Variants in CIMIP6 observed in about 807,000 individuals in gnomAD.
CIMIP6 encodes uncharacterized protein C2orf73.
chr2:54,351,534 C>T, the CIMIP6 span, among the ~76,000 whole-genome samples: 5 of 152,230 alleles, frequency 3.3e-5, no homozygotes, highest in East Asian at 5.8e-4. Flanking sequence ...ACAAAAAAAC[C>T]AAATACCACT....
the CIMIP6 span, among the ~76,000 whole-genome samples, chr2:54,366,990 G>T: frequency 6.6e-6 from 1 of 152,010 alleles, no homozygotes; most frequent in African/African-American, 2.4e-5. Context: ...ATACAGGGAG[G>T]TTAAGGTAAC....
chr2:54,359,578 C>G, the CIMIP6 span, among the ~76,000 whole-genome samples: 2 of 151,416 alleles, frequency 1.3e-5, no homozygotes, highest in East Asian at 3.9e-4. Context: ...GGCAACATAG[C>G]AAGTCTCATT....
At chr2:54,377,393 A>G in the CIMIP6 span, among the ~76,000 whole-genome samples, 1 of 152,192 alleles carries the variant, frequency 6.6e-6, no homozygotes, top group African/African-American at 2.4e-5. Flanking sequence ...ATTAGGAAAT[A>G]ACTTGTGAAT....
chr2:54,365,035 GA>G, the CIMIP6 span, among the ~76,000 whole-genome samples: 2 of 152,200 alleles, frequency 1.3e-5, no homozygotes, highest in African/African-American at 4.8e-5. Context: ...GCCTGAGCTG[GA>G]ATGGGAATGG....
chr2:54,363,156 G>A, the CIMIP6 span, among the ~76,000 whole-genome samples: 1 of 152,062 alleles, frequency 6.6e-6, no homozygotes, highest in Non-Finnish European at 1.5e-5. Context: ...CGCACTCTGG[G>A]TATTGTACTT....
At chr2:54,339,310 T>C in the CIMIP6 span, among the ~76,000 whole-genome samples, 3 of 75,702 alleles carry the variant, frequency 4.0e-5, 1 homozygote, top group Non-Finnish European at 1.0e-4. Context: ...AAATATGTTT[T>C]GGAAAAGCTG....
the CIMIP6 span, among the ~76,000 whole-genome samples, chr2:54,352,214 TA>T: frequency 7.9e-5 from 12 of 152,170 alleles, no homozygotes; most frequent in Non-Finnish European, 1.6e-4. Context: ...TTCCCAGAAT[TA>T]AAAAGGTTTA....
At chr2:54,368,268 A>G in the CIMIP6 span, among the ~76,000 whole-genome samples, 1 of 151,864 alleles carries the variant, frequency 6.6e-6, no homozygotes, top group South Asian at 2.1e-4. Context: ...TTTAAACATC[A>G]GTCAATAAAG....
the CIMIP6 span, among the ~76,000 whole-genome samples, chr2:54,332,427 C>A: frequency 9.2e-5 from 14 of 152,198 alleles, no homozygotes; most frequent in Non-Finnish European, 1.6e-4. Context: ...GCACCTGGCA[C>A]GCAACTCAAT....
the CIMIP6 span, among the ~76,000 whole-genome samples, chr2:54,363,364 C>G: frequency 1.1e-4 from 16 of 152,136 alleles, no homozygotes; most frequent in Non-Finnish European, 1.9e-4. Flanking sequence ...CCTGCTTCTC[C>G]AGCCCCAGTG....
chr2:54,358,108 T>C, the CIMIP6 span, among the ~76,000 whole-genome samples: 1 of 152,206 alleles, frequency 6.6e-6, no homozygotes, highest in Non-Finnish European at 1.5e-5. Context: ...TGAAAGATTA[T>C]TTAGAAGTGA....
At chr2:54,333,657 G>T in the CIMIP6 span, among the ~76,000 whole-genome samples, 1 of 152,158 alleles carries the variant, frequency 6.6e-6, no homozygotes, top group African/African-American at 2.4e-5. Flanking sequence ...GGGAGGCCGA[G>T]GCTGGCAGAT....
chr2:54,381,300 T>A, the CIMIP6 span, among the ~76,000 whole-genome samples: 1 of 152,210 alleles, frequency 6.6e-6, no homozygotes, highest in East Asian at 1.9e-4. Context: ...TCTACTCCAA[T>A]TCCTAACTGA....
At chr2:54,371,609 C>T in the CIMIP6 span, among the ~76,000 whole-genome samples, 1 of 152,258 alleles carries the variant, frequency 6.6e-6, no homozygotes, top group Non-Finnish European at 1.5e-5. Flanking sequence ...ATCACACCTG[C>T]TGTTGCAGTT....
At chr2:54,380,946 C>G in the CIMIP6 span, among the ~76,000 whole-genome samples, 1 of 152,104 alleles carries the variant, frequency 6.6e-6, no homozygotes, top group South Asian at 2.1e-4. Flanking sequence ...TTAAGAATGC[C>G]GAAACGCCTT....
At chr2:54,346,132 G>A in the CIMIP6 span, among the ~76,000 whole-genome samples, 1 of 152,150 alleles carries the variant, frequency 6.6e-6, no homozygotes, top group African/African-American at 2.4e-5. Context: ...ATGTAATTAT[G>A]TAATACTATG....
the CIMIP6 span, among the ~76,000 whole-genome samples, chr2:54,358,291 T>C: frequency 2.0e-5 from 3 of 152,210 alleles, no homozygotes; most frequent in African/African-American, 4.8e-5. Flanking sequence ...GGCCAAACTA[T>C]AGATTCAACA....
the CIMIP6 span, among the ~76,000 whole-genome samples, chr2:54,346,577 C>A: frequency 2.6e-3 from 396 of 152,306 alleles, 1 homozygote; most frequent in Admixed American, 4.1e-3. Context: ...GTGAATGCCA[C>A]CTCCACTCTC....
chr2:54,336,538 T>A, the CIMIP6 span, among the ~76,000 whole-genome samples: 1 of 152,170 alleles, frequency 6.6e-6, no homozygotes, highest in African/African-American at 2.4e-5. Flanking sequence ...AGGGTTTTTA[T>A]GAGAATTAAA....
Sources: gnomAD v4.1 joint callset for allele counts (sites outside exome capture counted in the v4.1 genomes callset) on GRCh38, gnomAD v4.1.1 for gene constraint, MANE v1.5 for transcripts, NCBI Gene and HGNC (gene_info 2026-07-23, HGNC 2026-07-21) for gene names.